The following FOXN2 variants were observed in gnomAD, a reference collection of about 807,000 sequenced individuals.
The protein encoded by FOXN2 is forkhead box N2, also known as forkhead box protein N2.
A neutral mutation model predicts 41.2 loss-of-function variants in FOXN2; 19 were observed. The observed-to-expected ratio is 0.46, with a 90% CI of 0.32 to 0.68. The LOEUF (loss-of-function observed/expected upper bound fraction) is 0.68, where lower values mean the gene tolerates loss of function less well. Ranked by LOEUF, FOXN2 falls within the 30% of genes least tolerant of loss-of-function variation. The probability of loss-of-function intolerance (pLI) is 0.03; values close to 1 mark genes in which losing one functional copy is unlikely to be tolerated. For missense variants in FOXN2, 587 were observed against 509.4 expected (o/e 1.15, Z -1.47); for synonymous variants, 195 against 176.8 (o/e 1.10, Z -0.82).
intron 3 of FOXN2, among the ~76,000 whole-genome samples, chr2:48,356,086 T>A (rs1215424754): frequency 6.6e-6 from 1 of 152,124 alleles, no homozygotes; most frequent in African/African-American, 2.4e-5. Context: ...ATCGTGCCAC[T>A]GCATTCCATC....
intron 6 of FOXN2, 110 bp downstream of exon 6, chr2:48,373,470 AT>A: frequency 1.5e-6 from 1 of 654,046 alleles, no homozygotes; most frequent in Non-Finnish European, 2.7e-6. Flanking sequence ...ACCAAATTGT[AT>A]TTTGATCTGA....
chr2:48,318,774 C>T (rs138589674), intron 1 of FOXN2, among the ~76,000 whole-genome samples: 69 of 152,294 alleles, frequency 4.5e-4, no homozygotes, highest in African/African-American at 1.6e-3. Context: ...GTTCTGGAGT[C>T]TGCCTGATTT....
rs1030103711 is a variant in FOXN2, at chr2:48,378,428, C to T, written c.*2985C>T. 6.6e-6 allele frequency: 1 copy of T among 150,634 alleles called. No homozygotes were observed. Among genetic ancestry groups the T allele is most frequent in the Non-Finnish European group, 1.5e-5 (1 of 67,664 alleles). The allele number at this position is 150,634 out of a possible 1,614,324, so 9.3% of individuals were successfully genotyped here. On this transcript the variant is annotated 3_prime_UTR_variant, in exon 7 of 7. Coordinates refer to ENST00000340553, the MANE Select transcript of FOXN2 (RefSeq NM_002158.4). ...ACTTTCTGAGGCATTATGTAAAGGG[C>T]TCATACTAGATGTTCAGTTAAATAT...
chr2:48,318,564 C>G (rs573474026), intron 1 of FOXN2, among the ~76,000 whole-genome samples: 1 of 152,172 alleles, frequency 6.6e-6, no homozygotes, highest in African/African-American at 2.4e-5. Context: ...TGCCTCCTTC[C>G]GATCTCTACT....
intron 3 of FOXN2, among the ~76,000 whole-genome samples, chr2:48,348,031 A>G (rs906199424): frequency 1.3e-5 from 2 of 150,706 alleles, no homozygotes; most frequent in African/African-American, 2.4e-5. Flanking sequence ...TAGAGGGCCT[A>G]GATGTGTTAT....
intron 2 of FOXN2, among the ~76,000 whole-genome samples, chr2:48,335,009 G>C (rs1455747351): frequency 6.6e-6 from 1 of 152,054 alleles, no homozygotes; most frequent in Non-Finnish European, 1.5e-5. Context: ...ACTCCCAAGG[G>C]CCTGATAAAA....
chr2:48,364,582 C>G (rs1381596327), intron 5 of FOXN2, among the ~76,000 whole-genome samples: 5 of 151,730 alleles, frequency 3.3e-5, no homozygotes, highest in African/African-American at 4.8e-5. Context: ...GGGTATTTTT[C>G]ATTGAAAATA....
chr2:48,353,395 A>AT (rs1021892086), intron 3 of FOXN2, among the ~76,000 whole-genome samples: 8 of 152,104 alleles, frequency 5.3e-5, no homozygotes, highest in African/African-American at 1.9e-4. Flanking sequence ...CCTCTCAAGC[A>AT]TTTCCTGCTT....
intron 2 of FOXN2, among the ~76,000 whole-genome samples, chr2:48,336,001 C>T (rs993176916): frequency 6.7e-6 from 1 of 150,258 alleles, no homozygotes; most frequent in Non-Finnish European, 1.5e-5. Context: ...GCACTCCAGC[C>T]TGGGCGACAG....
At chr2:48,351,152 G>A (rs903033564) in intron 3 of FOXN2, among the ~76,000 whole-genome samples, 3 of 152,060 alleles carry the variant, frequency 2.0e-5, no homozygotes, top group Non-Finnish European at 2.9e-5. Context: ...AGTAGAGACA[G>A]GGTTTTGCCA....
intron 2 of FOXN2, among the ~76,000 whole-genome samples, chr2:48,345,343 G>A (rs1671026943): frequency 1.3e-5 from 2 of 152,278 alleles, no homozygotes; most frequent in South Asian, 4.1e-4. Flanking sequence ...GTGGGGGTAG[G>A]AGGAGGGTGT....
intron 3 of FOXN2, among the ~76,000 whole-genome samples, chr2:48,353,391 A>G (rs1419249792): frequency 6.6e-6 from 1 of 152,134 alleles, no homozygotes; most frequent in Non-Finnish European, 1.5e-5. Context: ...GTCACCTCTC[A>G]AGCATTTCCT....
chr2:48,331,388 A>C (rs1271660493), intron 2 of FOXN2, among the ~76,000 whole-genome samples: 1 of 152,256 alleles, frequency 6.6e-6, no homozygotes, highest in East Asian at 1.9e-4. Flanking sequence ...AAAATGTAGC[A>C]TGAAGAGATT....
chr2:48,319,400 G>A (rs951573202), intron 1 of FOXN2, among the ~76,000 whole-genome samples: 1 of 151,750 alleles, frequency 6.6e-6, no homozygotes, highest in African/African-American at 2.4e-5. Context: ...AATGTTACTG[G>A]GAATGTTTTT....
chr2:48,325,637 C>A (rs1015597814), intron 1 of FOXN2, among the ~76,000 whole-genome samples: 1 of 151,986 alleles, frequency 6.6e-6, no homozygotes, highest in Admixed American at 6.5e-5. Flanking sequence ...GAACTAGAAC[C>A]AAGATTTGCC....
Position 48,363,582 on chromosome 2 carries a change from G to T in FOXN2, c.703+875G>T, listed in dbSNP as rs1572767271. Reference sequence around the variant, plus strand: ...ACCCAGAGCAATTCCGGTCCTTCAAGCTTCATTCATGGTAAGTACCCTATA... The same window carrying T: ...ACCCAGAGCAATTCCGGTCCTTCAATCTTCATTCATGGTAAGTACCCTATA... On this transcript the variant is annotated intron_variant, in intron 5 of 6. Transcript: ENST00000340553. 5.3e-5 allele frequency among the ~76,000 whole-genome samples: 8 copies of T among 152,150 alleles called. No homozygotes were observed. In the South Asian group the frequency reaches 1.7e-3, roughly 32 times the overall value.
At chr2:48,317,323 C>G (rs965100937) in intron 1 of FOXN2, among the ~76,000 whole-genome samples, 1 of 151,830 alleles carries the variant, frequency 6.6e-6, no homozygotes, top group Non-Finnish European at 1.5e-5. Flanking sequence ...GTGGGGCATG[C>G]CTGTAGTCCC....
At chr2:48,318,350 T>G (rs2104042275) in intron 1 of FOXN2, among the ~76,000 whole-genome samples, 1 of 152,360 alleles carries the variant, frequency 6.6e-6, no homozygotes, top group African/African-American at 2.4e-5. Flanking sequence ...GTCAGACATT[T>G]TATAGAATAT....
At position 48,347,220 on chromosome 2, in the gene FOXN2, C is replaced by CTTTTTTT. The variant is rs751958598; in HGVS notation, c.537+487_537+493dup. Among the ~76,000 whole-genome samples, 52 of 75,734 alleles carry CTTTTTTT rather than the reference C, an allele frequency of 6.9e-4. 1 individual carries two copies. The highest frequency in any genetic ancestry group is 7.6e-4 in the African/African-American group (14 of 18,474). The allele number at this position is 75,734 out of a possible 152,430, so 49.7% of individuals were successfully genotyped here. The stretch of plus-strand genomic sequence containing the variant: ...CACTTTTGGTTTTGGTGTTTTGGTG[C>CTTTTTTT]TTTTTTTTTTTTTTTTTTTTTTTTG... On this transcript the variant is annotated intron_variant, in intron 3 of 6. Coordinates refer to ENST00000340553, the MANE Select transcript of FOXN2 (RefSeq NM_002158.4).
Sources: allele counts gnomAD v4.1 joint callset (sites outside exome capture counted in the v4.1 genomes callset), GRCh38; gene constraint gnomAD v4.1.1; transcripts MANE v1.5; gene names NCBI Gene and HGNC (gene_info 2026-07-23, HGNC 2026-07-21).